The following LINGO1 variants were observed in gnomAD, a reference collection of about 807,000 sequenced individuals.
The protein encoded by LINGO1 is leucine rich repeat and Ig domain containing 1.
In LINGO1, 11 loss-of-function variants were observed where a neutral mutation model predicts 37.3. That is an observed-to-expected ratio of 0.29 (90% confidence interval 0.19 to 0.49). The LOEUF (loss-of-function observed/expected upper bound fraction) is 0.49, where lower values mean the gene tolerates loss of function less well. Among genes scored for constraint, LINGO1 ranks in the 20% least tolerant of loss-of-function variants. LINGO1 has a pLI of 0.99. For missense variants in LINGO1, 585 were observed against 878.2 expected (o/e 0.67, Z 4.22); for synonymous variants, 387 against 403.0 (o/e 0.96, Z 0.48).
chr15:77,751,903 C>T (rs1368083937), intron 1 of LINGO1, among the ~76,000 whole-genome samples: 1 of 152,212 alleles, frequency 6.6e-6, no homozygotes, highest in Non-Finnish European at 1.5e-5. Flanking sequence ...CCACATTTCC[C>T]AAGTCCCCCC....
intron 3 of LINGO1, among the ~76,000 whole-genome samples, chr15:77,663,379 CAGGAA>C (rs1298728118): frequency 6.6e-6 from 1 of 152,144 alleles, no homozygotes; most frequent in Non-Finnish European, 1.5e-5. Context: ...CTGGTTCAGG[CAGGAA>C]ACCCTGCCAC....
At chr15:77,669,905 T>C (rs929824950) in intron 3 of LINGO1, among the ~76,000 whole-genome samples, 2 of 152,186 alleles carry the variant, frequency 1.3e-5, no homozygotes, top group African/African-American at 2.4e-5. Flanking sequence ...CAAATATTCA[T>C]AGCAGCATTA....
chr15:77,723,793 G>A (rs1187211085), intron 2 of LINGO1, among the ~76,000 whole-genome samples: 2 of 152,178 alleles, frequency 1.3e-5, no homozygotes, highest in African/African-American at 2.4e-5. Flanking sequence ...CCCAGCCCCA[G>A]CTGGGGGGCA....
chr15:77,775,746 A>T (rs1294031476), intron 1 of LINGO1, among the ~76,000 whole-genome samples: 1 of 152,168 alleles, frequency 6.6e-6, no homozygotes, highest in Non-Finnish European at 1.5e-5. Context: ...CAACATGGCT[A>T]AAGAGTTAGT....
chr15:77,817,730 TGCC>T (rs2077059791), intron 1 of LINGO1, among the ~76,000 whole-genome samples: 1 of 152,142 alleles, frequency 6.6e-6, no homozygotes, highest in Non-Finnish European at 1.5e-5. Context: ...GTGTCCTCCA[TGCC>T]TCACCAAAGA....
At chr15:77,644,708 A>G (rs1239908337) in intron 3 of LINGO1, among the ~76,000 whole-genome samples, 3 of 152,174 alleles carry the variant, frequency 2.0e-5, no homozygotes, top group Admixed American at 1.3e-4. Flanking sequence ...TGGCTCCCTC[A>G]ATCCCTCCAG....
At chr15:77,719,691 C>T (rs968161162) in intron 2 of LINGO1, among the ~76,000 whole-genome samples, 3 of 150,098 alleles carry the variant, frequency 2.0e-5, no homozygotes, top group Admixed American at 6.7e-5. Context: ...CATACACACA[C>T]ACATGCTCTC....
Position 77,632,307 on chromosome 15 carries a change from C to T in LINGO1, c.6+3G>A, listed in dbSNP as rs1450049483. 1.4e-6 allele frequency: 2 copies of T among 1,440,448 alleles called. No homozygotes were observed. The highest frequency in any genetic ancestry group is 1.8e-6 in the Non-Finnish European group (2 of 1,097,996). 89.2% of individuals were successfully genotyped at this position (1,440,448 alleles called of 1,614,324 possible). A position where few individuals can be genotyped will look rare whatever the true frequency, so the allele number is the denominator to read the frequency against. ...GGGGCTCGGCCGCGGCCGCCTGGCT[C>T]ACCTGCATCTCGGGCGCGCCTTCGG... On this transcript the variant is annotated splice_donor_region_variant and intron_variant, in intron 1 of 1. Transcript: ENST00000355300. The surrounding 1 kb of genome is among the most constrained non-coding windows in gnomAD (Gnocchi z 6.0).
Position 77,817,073 on chromosome 15 carries a change from G to A in LINGO1, c.-458+3185C>T, listed in dbSNP as rs56229735. Reference sequence around the variant, plus strand: ...AGGGAGAGGCAGAGAGAGGCCGCCCGGGACGGGGAAGCCAGCAAAGGCTGA... The same window carrying A: ...AGGGAGAGGCAGAGAGAGGCCGCCCAGGACGGGGAAGCCAGCAAAGGCTGA... On this transcript the variant is annotated intron_variant, in intron 1 of 5. Transcript: ENST00000562933. 4.3e-3 allele frequency among the ~76,000 whole-genome samples: 650 copies of A among 152,348 alleles called. 3 individuals carry two copies. Among genetic ancestry groups the A allele is most frequent in the African/African-American group, 0.011 (475 of 41,578 alleles).
At chr15:77,742,736 A>G (rs1409357694) in intron 1 of LINGO1, among the ~76,000 whole-genome samples, 2 of 152,218 alleles carry the variant, frequency 1.3e-5, no homozygotes, top group Non-Finnish European at 2.9e-5. Context: ...ACCGAATTCC[A>G]AAGACTGGTG....
At chr15:77,746,675 C>T (rs959779935) in intron 1 of LINGO1, among the ~76,000 whole-genome samples, 10 of 152,196 alleles carry the variant, frequency 6.6e-5, no homozygotes, top group Non-Finnish European at 1.5e-4. Flanking sequence ...GAGGCTCAGG[C>T]AGGAGCCAGC....
chr15:77,767,127 G>C (rs2076537959), intron 1 of LINGO1, among the ~76,000 whole-genome samples: 1 of 152,146 alleles, frequency 6.6e-6, no homozygotes, highest in Admixed American at 6.5e-5. Flanking sequence ...TTTCCAATTT[G>C]ACCCTCATCA....
At chr15:77,700,431 A>G (rs2075767701), upstream of LINGO1, among the ~76,000 whole-genome samples, 1 of 152,068 alleles carries the variant, frequency 6.6e-6, no homozygotes, top group Non-Finnish European at 1.5e-5. Context: ...GATGACAACA[A>G]CTCTTACTAC....
chr15:77,646,594 C>G, intron 3 of LINGO1: 1 of 339,624 alleles, frequency 2.9e-6, no homozygotes, highest in Non-Finnish European at 5.9e-6. Flanking sequence ...CAGGGGCCAG[C>G]CTCTCTCCTT....
At chr15:77,708,997 T>A (rs2075886436) in intron 2 of LINGO1, among the ~76,000 whole-genome samples, 1 of 152,062 alleles carries the variant, frequency 6.6e-6, no homozygotes, top group Admixed American at 6.5e-5. Flanking sequence ...GCTGGAGTGA[T>A]GCATCTTCAA....
Position 77,764,047 on chromosome 15 carries a change from C to T in LINGO1, c.-257+22822G>A, listed in dbSNP as rs149375266. 1.8e-4 allele frequency among the ~76,000 whole-genome samples: 27 copies of T among 152,312 alleles called. No homozygotes were observed. The East Asian group carries it at 4.4e-3, about 25-fold the overall frequency. ...CTCCAAAGGAGAACAAAGAAAGGGG[C>T]CTTTTAGGAGGGTGTCAAGGATCAA... On this transcript the variant is annotated intron_variant, in intron 1 of 3. Coordinates refer to the LINGO1 transcript ENST00000561686.
intron 3 of LINGO1, among the ~76,000 whole-genome samples, chr15:77,640,922 C>T (rs190137272): frequency 1.3e-5 from 2 of 152,260 alleles, no homozygotes. Context: ...GTCTGGCAGG[C>T]AAGACTCAAC....
chr15:77,744,527 C>T (rs1017535760), intron 1 of LINGO1, among the ~76,000 whole-genome samples: 2 of 152,066 alleles, frequency 1.3e-5, no homozygotes, highest in African/African-American at 4.8e-5. Flanking sequence ...AAAGTGAGAC[C>T]CTACATCAAA....
chr15:77,715,573 G>A lies in LINGO1; in HGVS notation c.-195+19419C>T, dbSNP rs79839930. Among the ~76,000 whole-genome samples, 586 of 152,310 alleles carry A rather than the reference G, an allele frequency of 3.8e-3. 6 individuals carry two copies. The highest frequency in any genetic ancestry group is 0.013 in the African/African-American group (551 of 41,558). On this transcript the variant is annotated intron_variant, in intron 2 of 3. Coordinates refer to the LINGO1 transcript ENST00000561686. ...CCCACCTGTACCACTGACAGCTTGG[G>A]TAACCCCGGGCAAGTCACATAACAG...
Sources: allele counts gnomAD v4.1 joint callset (sites outside exome capture counted in the v4.1 genomes callset), GRCh38; gene constraint gnomAD v4.1.1; non-coding constraint Gnocchi (gnomAD v3.1); transcripts MANE v1.5; gene names NCBI Gene and HGNC (gene_info 2026-07-23, HGNC 2026-07-21).